Variants in MSH6 observed in about 807,000 individuals in gnomAD.
MSH6 encodes mutS homolog 6.
In MSH6, 85 loss-of-function variants were observed where a neutral mutation model predicts 119.1. The ratio of observed to expected loss-of-function variants is 0.71; its 90% confidence interval spans 0.60 to 0.85. The LOEUF is 0.85. Ranked by LOEUF, MSH6 falls within the 40% of genes least tolerant of loss-of-function variation. MSH6 has a pLI of 0.00. For missense variants in MSH6, 2,163 were observed against 1,655.3 expected, an observed-to-expected ratio of 1.31 and a Z score of -5.32; for synonymous variants, 830 against 586.9, an observed-to-expected ratio of 1.41 and a Z score of -5.99.
intron 2 of MSH6, 23 bp from the exon 3 acceptor site, chr2:47,795,871 T>C (rs1484745981): frequency 1.2e-6 from 2 of 1,611,288 alleles, no homozygotes; most frequent in African/African-American, 1.3e-5. Flanking sequence ...GCCCTTATTG[T>C]TTATAAATAC....
Position 47,806,457 on chromosome 2 carries a change from C to G in MSH6, c.3807C>G (p.Cys1269Trp), listed in dbSNP as rs747924946. 6.2e-7 allele frequency: 1 copy of G among 1,613,942 alleles called. No individual in the cohort carries two copies. Among genetic ancestry groups the G allele is most frequent in the Middle Eastern group, 1.7e-4 (1 of 6,060 alleles). The change falls in exon 9 of 10, where the codon TGC (cysteine) becomes TGG (tryptophan). Residue 1269 changes from cysteine (C) to tryptophan (W), a missense_variant. Physicochemically the swap from Cys to Trp is radical, Grantham distance 215. Coordinates refer to ENST00000234420, the MANE Select transcript of MSH6 (RefSeq NM_000179.3). ...NVAVRLGHMA[C>W]MVENECEDPS... ...TAATATTTTTCTTTCTTAAGGCATG[C>G]ATGGTAGAAAATGAATGTGAAGACC...
intron 6 of MSH6, 136 bp from the exon 7 acceptor site, chr2:47,805,482 A>G (rs1669936717): frequency 1.4e-6 from 1 of 728,806 alleles, no homozygotes; most frequent in East Asian, 2.7e-5. Flanking sequence ...CCGGCCAATA[A>G]TTGCATAGTC....
intron 3 of MSH6, 107 bp downstream of exon 3, chr2:47,796,170 G>A (rs1558656897): frequency 8.6e-7 from 1 of 1,160,228 alleles, no homozygotes; most frequent in Non-Finnish European, 1.3e-6. Flanking sequence ...GTGTGTATAT[G>A]TATTATTTTA....
At chr2:47,808,051 C>T, downstream of MSH6, 1 of 1,400,438 alleles carries the variant, frequency 7.1e-7, no homozygotes, top group Non-Finnish European at 9.8e-7. Flanking sequence ...TATTTTAAAT[C>T]TTCTTCCAAA....
chr2:47,809,718 A>G, downstream of MSH6: 1 of 1,574,248 alleles, frequency 6.4e-7, no homozygotes, highest in Non-Finnish European at 8.7e-7. Flanking sequence ...CTGAAGTAAA[A>G]TTTACAAACA....
At chr2:47,809,767 A>G (rs1298042802), downstream of MSH6, 52 of 1,096,126 alleles carry the variant, frequency 4.7e-5, 1 homozygote, top group Admixed American at 9.4e-4. Flanking sequence ...TAAAAACCTG[A>G]AATTAGCAAG....
intron 6 of MSH6, among the ~76,000 whole-genome samples, chr2:47,805,362 G>A (rs1669923432): frequency 6.6e-6 from 1 of 152,040 alleles, no homozygotes; most frequent in African/African-American, 2.4e-5. Flanking sequence ...TGTATTTTTA[G>A]TAGAAGCGGG....
intron 3 of MSH6, 89 bp from the exon 4 acceptor site, chr2:47,798,522 T>C (rs1669231408): frequency 7.0e-7 from 1 of 1,431,780 alleles, no homozygotes; most frequent in Middle Eastern, 2.4e-4. Flanking sequence ...GGTACCATTA[T>C]AAAGTCAAAA....
At chr2:47,805,568 T>C (rs1396638307) in intron 6 of MSH6, 50 bp from the exon 7 acceptor site, 1 of 1,190,304 alleles carries the variant, frequency 8.4e-7, no homozygotes, top group African/African-American at 1.5e-5. Context: ...TGAATTTATG[T>C]AATATGATTT....
At position 47,791,271 on chromosome 2, in the gene MSH6, T is replaced by G. The variant is rs186384953; in HGVS notation, c.457+148T>G. On this transcript the variant is annotated intron_variant, in intron 2 of 9. Transcript: ENST00000234420. Reference sequence around the variant, plus strand: ...GCAAGGGGTGGCAGTTGTGAAAGCTTCTGGCATGGGAAAGGGATGTAACAT... The same window carrying G: ...GCAAGGGGTGGCAGTTGTGAAAGCTGCTGGCATGGGAAAGGGATGTAACAT... 5 of 729,098 alleles carry G rather than the reference T, an allele frequency of 6.9e-6. No homozygotes were observed. In the African/African-American group the frequency reaches 7.0e-5, roughly 10 times the overall value. The allele number at this position is 729,098 out of a possible 1,614,324, so 45.2% of individuals were successfully genotyped here. A position where few individuals can be genotyped will look rare whatever the true frequency, so the allele number is the denominator to read the frequency against.
chr2:47,807,555 G>A (rs1670307482), downstream of MSH6: 1 of 214,042 alleles, frequency 4.7e-6, no homozygotes, highest in African/African-American at 2.3e-5. Flanking sequence ...GCAAGTCTAG[G>A]TGTGCTAACA....
At position 47,806,829 on chromosome 2, in the gene MSH6, A is replaced by ATAAATTGCTGACTTTGATTAAGGAATTAT. The variant is rs2104583584; in HGVS notation, c.4053_4081dup (p.Ter1361LeufsTer4). 2.5e-6 allele frequency: 4 copies of ATAAATTGCTGACTTTGATTAAGGAATTAT among 1,612,008 alleles called. No homozygotes were observed. Among genetic ancestry groups the ATAAATTGCTGACTTTGATTAAGGAATTAT allele is most frequent in the Non-Finnish European group, 3.4e-6 (4 of 1,179,316 alleles). ...TCAACTGTAGATGCTGAAGCTGTCC[A>ATAAATTGCTGACTTTGATTAAGGAATTAT]TAAATTGCTGACTTTGATTAAGGAA... On this transcript the variant is annotated frameshift_variant, in exon 10 of 10. Transcript: ENST00000234420. LOFTEE classifies it high-confidence loss of function.
intron 3 of MSH6, 61 bp downstream of exon 3, chr2:47,796,124 AG>A: frequency 6.4e-7 from 1 of 1,551,182 alleles, no homozygotes; most frequent in South Asian, 1.1e-5. Flanking sequence ...AGAAAGGGGG[AG>A]GGTGTATTAA....
rs876661088 is a variant in MSH6 at position 47,799,423 on chromosome 2, A to T, written c.1440A>T (p.Val480=). The T allele has an allele frequency of 1.9e-6, 3 of 1,614,082 alleles. No individual in the cohort carries two copies. The African/African-American group carries it at 4.0e-5, about 22-fold the overall frequency. The change falls in exon 4 of 10, where the codon GTA becomes GTT. Residue 480 remains valine, a synonymous_variant. Coordinates refer to ENST00000234420, the MANE Select transcript of MSH6 (RefSeq NM_000179.3). ...CCCTGGTGCAGAAGGGCTATAAAGT[A>T]GCACGAGTGGAACAGACTGAGACTC... The part of the protein sequence containing the change: ...SDSLVQKGYK[V]ARVEQTETPE...
intron 2 of MSH6, among the ~76,000 whole-genome samples, chr2:47,793,525 T>A (rs958697164): frequency 2.0e-5 from 3 of 151,104 alleles, no homozygotes; most frequent in African/African-American, 7.3e-5. Flanking sequence ...GAGAATTGCT[T>A]AAACCTGGTA....
chr2:47,787,057 G>A (rs1668391294), intron 1 of MSH6, among the ~76,000 whole-genome samples: 1 of 152,202 alleles, frequency 6.6e-6, no homozygotes, highest in African/African-American at 2.4e-5. Context: ...TGGGTGCAGT[G>A]GCTCATGCCT....
At chr2:47,801,514 T>A (rs980737765) in intron 4 of MSH6, among the ~76,000 whole-genome samples, 1 of 151,790 alleles carries the variant, frequency 6.6e-6, no homozygotes, top group Non-Finnish European at 1.5e-5. Flanking sequence ...ATTACAGATA[T>A]GCACCACCAT....
intron 2 of MSH6, among the ~76,000 whole-genome samples, chr2:47,794,336 G>T (rs1311226072): frequency 6.6e-6 from 1 of 151,946 alleles, no homozygotes; most frequent in Non-Finnish European, 1.5e-5. Flanking sequence ...CAATGGTGCA[G>T]TCTTGGCTCA....
At chr2:47,808,915 T>G (rs560957730), downstream of MSH6, 52 of 368,202 alleles carry the variant, frequency 1.4e-4, no homozygotes, top group Middle Eastern at 2.3e-3. Flanking sequence ...CAGGCTGGTT[T>G]AGAACTCCTG....
Sources: gnomAD v4.1 joint callset for allele counts (sites outside exome capture counted in the v4.1 genomes callset) on GRCh38, gnomAD v4.1.1 for gene constraint, MANE v1.5 for transcripts, NCBI Gene and HGNC (gene_info 2026-07-23, HGNC 2026-07-21) for gene names.